The following PEAK1 variants were observed in gnomAD, a reference collection of about 807,000 sequenced individuals.
The protein encoded by PEAK1 is inactive tyrosine-protein kinase PEAK1.
PEAK1 carries 54 observed loss-of-function variants against 124.7 expected under a neutral mutation model. That is an observed-to-expected ratio of 0.43 (90% CI 0.35 to 0.54). The LOEUF is 0.54. Ranked by LOEUF, PEAK1 falls within the 20% of genes least tolerant of loss-of-function variation. PEAK1 has a pLI of 0.01. For synonymous variants in PEAK1, 719 were observed against 760.0 expected (o/e 0.95, Z 0.89); for missense variants, 2,046 against 2,134.5 (o/e 0.96, Z 0.82).
chr15:77,114,112 A>G lies in PEAK1; in HGVS notation c.*44T>C. The G allele has an allele frequency of 6.3e-7, 1 of 1,582,998 alleles. No individual in the cohort carries two copies. Among genetic ancestry groups the G allele is most frequent in the Non-Finnish European group, 8.6e-7 (1 of 1,158,028 alleles). ...TAGGGAGGGGAAGTGCATGGGTGAC[A>G]TGAAGAAGGTGAAGATGTAGTAAAA... On this transcript the variant is annotated 3_prime_UTR_variant, in exon 10 of 10. Coordinates refer to ENST00000682557, the MANE Select transcript of PEAK1 (RefSeq NM_001385026.1).
At chr15:77,117,815 A>C (rs1219177607) in intron 9 of PEAK1, among the ~76,000 whole-genome samples, 1 of 152,220 alleles carries the variant, frequency 6.6e-6, no homozygotes, top group East Asian at 1.9e-4. Context: ...TTGTAGTTTA[A>C]TATTAGAAGC....
At chr15:77,323,914 T>C (rs980391255) in intron 2 of PEAK1, among the ~76,000 whole-genome samples, 5 of 152,158 alleles carry the variant, frequency 3.3e-5, no homozygotes, top group Admixed American at 6.5e-5. Flanking sequence ...CAAAACAATA[T>C]GGTACTGGTA....
intron 1 of PEAK1, among the ~76,000 whole-genome samples, chr15:77,372,099 T>C (rs2068683566): frequency 6.6e-6 from 1 of 152,214 alleles, no homozygotes; most frequent in Non-Finnish European, 1.5e-5. Flanking sequence ...AAAGCCTGAC[T>C]TATTTCAAGA....
chr15:77,357,305 C>G (rs2067582761), intron 2 of PEAK1, among the ~76,000 whole-genome samples: 1 of 152,186 alleles, frequency 6.6e-6, no homozygotes, highest in Non-Finnish European at 1.5e-5. Context: ...GACAGTCTTA[C>G]TCTGTTACCC....
At chr15:77,148,248 G>A (rs1048224933) in intron 8 of PEAK1, among the ~76,000 whole-genome samples, 1 of 152,150 alleles carries the variant, frequency 6.6e-6, no homozygotes, top group African/African-American at 2.4e-5. Flanking sequence ...GAGGACTCAC[G>A]GGAGATTCTG....
intron 2 of PEAK1, among the ~76,000 whole-genome samples, chr15:77,311,013 C>T (rs1464733147): frequency 6.6e-6 from 1 of 152,166 alleles, no homozygotes; most frequent in Non-Finnish European, 1.5e-5. Flanking sequence ...ATTTTTTAAA[C>T]ACAGGGCCAT....
intron 6 of PEAK1, among the ~76,000 whole-genome samples, chr15:77,212,261 G>A (rs2058940649): frequency 6.6e-6 from 1 of 152,082 alleles, no homozygotes; most frequent in African/African-American, 2.4e-5. Context: ...GTTTTTTAGT[G>A]GCCAAGGTTC....
intron 5 of PEAK1, among the ~76,000 whole-genome samples, chr15:77,281,905 T>G (rs2062694795): frequency 6.6e-6 from 1 of 152,216 alleles, no homozygotes; most frequent in East Asian, 1.9e-4. Context: ...CTTTATTACC[T>G]ATACTTCTAT....
intron 7 of PEAK1, among the ~76,000 whole-genome samples, chr15:77,174,582 A>T (rs557251203): frequency 9.1e-4 from 139 of 152,346 alleles, no homozygotes; most frequent in African/African-American, 3.2e-3. Context: ...TCAAAAAGTT[A>T]AAAAAAGCTA....
chr15:77,336,324 G>A, intron 2 of PEAK1: 1 of 985,370 alleles, frequency 1.0e-6, no homozygotes, highest in Non-Finnish European at 1.2e-6. Flanking sequence ...TGCAACGAGG[G>A]CTCACCCTCA....
chr15:77,363,796 G>C (rs1310835099), intron 2 of PEAK1, among the ~76,000 whole-genome samples: 1 of 152,110 alleles, frequency 6.6e-6, no homozygotes, highest in African/African-American at 2.4e-5. Flanking sequence ...AGTCACAGAA[G>C]ACAACATATT....
At chr15:77,164,049 C>T (rs1322038259) in intron 7 of PEAK1, among the ~76,000 whole-genome samples, 1 of 152,132 alleles carries the variant, frequency 6.6e-6, no homozygotes, top group Non-Finnish European at 1.5e-5. Context: ...TTGTAATCTA[C>T]TGAAAGGGAG....
chr15:77,419,588 G>A (rs1271698913), intron 1 of PEAK1: 3 of 985,028 alleles, frequency 3.0e-6, no homozygotes, highest in South Asian at 4.7e-5. Flanking sequence ...GCAGGAGCCA[G>A]AGAAGCCCCT....
In PEAK1 at chr15:77,393,451, C is replaced by T. The variant is rs181372076; in HGVS notation, c.-666+26555G>A. Among the ~76,000 whole-genome samples, 758 of 152,262 alleles carry T rather than the reference C, an allele frequency of 5.0e-3. 15 individuals carry two copies. The highest frequency in any genetic ancestry group is 0.017 in the African/African-American group (722 of 41,528). On this transcript the variant is annotated intron_variant, in intron 1 of 9. Transcript: ENST00000682557. The stretch of plus-strand genomic sequence containing the variant: ...TGCAACTTGGATACCAGCTCAACCA[C>T]AGTAGGACAGGCCACCAAGCAGGCT...
chr15:77,257,819 T>C (rs1256589942), intron 5 of PEAK1, among the ~76,000 whole-genome samples: 2 of 130,674 alleles, frequency 1.5e-5, no homozygotes, highest in African/African-American at 5.1e-5. Context: ...ATGTCCTGAA[T>C]GGTAAGGCCT....
At chr15:77,168,308 T>C (rs1312305888) in intron 7 of PEAK1, among the ~76,000 whole-genome samples, 1 of 151,712 alleles carries the variant, frequency 6.6e-6, no homozygotes, top group Admixed American at 6.6e-5. Context: ...GTACCAAACC[T>C]TTCCAGTATT....
intron 8 of PEAK1, among the ~76,000 whole-genome samples, chr15:77,148,945 A>AT (rs925185802): frequency 2.0e-5 from 3 of 152,094 alleles, no homozygotes; most frequent in Admixed American, 6.6e-5. Flanking sequence ...AATTTAAAGT[A>AT]TTTTTTTAAA....
rs1343836776 is a variant in PEAK1, at chr15:77,286,507, A to G, written c.-602-3T>C. 1 of 1,219,326 alleles carries G rather than the reference A, an allele frequency of 8.2e-7. No individual in the cohort carries two copies. The highest frequency in any genetic ancestry group is 4.2e-5 in the Admixed American group (1 of 23,700). 75.5% of individuals were successfully genotyped at this position (1,219,326 alleles called of 1,614,324 possible). On this transcript the variant is annotated splice_region_variant and splice_polypyrimidine_tract_variant and intron_variant, in intron 2 of 9. Coordinates refer to ENST00000682557, the MANE Select transcript of PEAK1 (RefSeq NM_001385026.1). Reference sequence around the variant, plus strand: ...AATGGATCTCAAGTATTCTTTTCCTATTAGAAGATGCAAAGTGGGGAAGAT... The same window carrying G: ...AATGGATCTCAAGTATTCTTTTCCTGTTAGAAGATGCAAAGTGGGGAAGAT...
intron 6 of PEAK1, among the ~76,000 whole-genome samples, chr15:77,191,510 G>C (rs1349015797): frequency 6.6e-6 from 1 of 152,118 alleles, no homozygotes; most frequent in Non-Finnish European, 1.5e-5. Context: ...TGATTTAATT[G>C]AAAGTTTTAG....
Sources: allele counts gnomAD v4.1 joint callset (sites outside exome capture counted in the v4.1 genomes callset), GRCh38; gene constraint gnomAD v4.1.1; transcripts MANE v1.5; gene names NCBI Gene and HGNC (gene_info 2026-07-23, HGNC 2026-07-21).